The following MRPL48 variants were observed in gnomAD, a reference collection of about 807,000 sequenced individuals.
MRPL48 encodes the protein mitochondrial ribosomal protein L48, also known as large ribosomal subunit protein mL48.
In MRPL48, 16 loss-of-function variants were observed where a neutral mutation model predicts 32.9. The ratio of observed to expected loss-of-function variants is 0.49; its 90% CI spans 0.33 to 0.74. MRPL48 has a LOEUF of 0.74. Ranked by LOEUF, MRPL48 falls within the 30% of genes least tolerant of loss-of-function variation. The probability of loss-of-function intolerance (pLI) is 0.02; values close to 1 mark genes in which losing one functional copy is unlikely to be tolerated. For missense variants in MRPL48, 206 were observed against 245.3 expected (o/e 0.84, Z 1.07); for synonymous variants, 94 against 89.2 (o/e 1.05, Z -0.31).
chr11:73,826,302 G>GA (rs1215975468), intron 4 of MRPL48, among the ~76,000 whole-genome samples: 1 of 152,002 alleles, frequency 6.6e-6, no homozygotes, highest in African/African-American at 2.4e-5. Flanking sequence ...TTACAGGCAT[G>GA]AGCCACCATG....
intron 1 of MRPL48, among the ~76,000 whole-genome samples, chr11:73,788,472 CTTTT>C (rs11352308): frequency 2.7e-5 from 3 of 109,596 alleles, no homozygotes; most frequent in African/African-American, 7.3e-5. Flanking sequence ...TCTTTTCTTT[CTTTT>C]TTTTTTTTTT....
intron 4 of MRPL48, among the ~76,000 whole-genome samples, chr11:73,834,744 A>C (rs140330268): frequency 0.038 from 5,746 of 151,400 alleles, 151 homozygotes; most frequent in Middle Eastern, 0.09. Context: ...CATGTTGGCC[A>C]GGTTGGTCTT....
intron 1 of MRPL48, among the ~76,000 whole-genome samples, chr11:73,794,049 T>C (rs1947199962): frequency 6.6e-6 from 1 of 151,602 alleles, no homozygotes; most frequent in Non-Finnish European, 1.5e-5. Flanking sequence ...TAGCCAGGTG[T>C]GGTGGCATGT....
At chr11:73,805,457 C>T (rs969812863) in intron 2 of MRPL48, among the ~76,000 whole-genome samples, 7 of 151,554 alleles carry the variant, frequency 4.6e-5, no homozygotes, top group African/African-American at 1.7e-4. Context: ...CCACCATGCC[C>T]AGCTAATTTT....
At chr11:73,806,806 G>T (rs751259783) in intron 2 of MRPL48, among the ~76,000 whole-genome samples, 1 of 151,944 alleles carries the variant, frequency 6.6e-6, no homozygotes, top group Admixed American at 6.6e-5. Context: ...TTGGAATTAG[G>T]ATTCAAATCC....
chr11:73,847,588 C>A (rs1355801456), intron 5 of MRPL48, among the ~76,000 whole-genome samples: 3 of 152,100 alleles, frequency 2.0e-5, no homozygotes, highest in Non-Finnish European at 4.4e-5. Flanking sequence ...CTACAGGCGC[C>A]TGCCACCATG....
chr11:73,791,379 C>T (rs1590923761), intron 1 of MRPL48, among the ~76,000 whole-genome samples: 1 of 152,028 alleles, frequency 6.6e-6, no homozygotes, highest in African/African-American at 2.4e-5. Context: ...CTGCTTTCCT[C>T]ATTAGAAGTT....
Position 73,844,819 on chromosome 11 carries a change from A to G in MRPL48, c.214A>G (p.Lys72Glu). 6.2e-7 allele frequency: 1 copy of G among 1,612,808 alleles called. No homozygotes were observed. Among genetic ancestry groups the G allele is most frequent in the Non-Finnish European group, 8.5e-7 (1 of 1,179,652 alleles). Residue 72 changes from lysine (K) to glutamate (E), a missense_variant, in exon 5 of 8, where the codon AAG (lysine) becomes GAG (glutamate). Lys to Glu is a moderately conservative substitution (Grantham distance 56). Coordinates refer to ENST00000310614, the MANE Select transcript of MRPL48 (RefSeq NM_016055.6). ...GTTTTCTCTTCAGCCCAAGAAGAAGAAGGGAAAAGTGGAAGTGAGAGCCAT... is the reference window on the plus strand; with the variant it reads ...GTTTTCTCTTCAGCCCAAGAAGAAGGAGGGAAAAGTGGAAGTGAGAGCCAT... ...LIKAEEPKKK[K>E]GKVEVRAINL...
chr11:73,807,890 C>T (rs1231736235), intron 2 of MRPL48, among the ~76,000 whole-genome samples: 2 of 152,174 alleles, frequency 1.3e-5, no homozygotes, highest in African/African-American at 2.4e-5. Flanking sequence ...CTGCCTGCCT[C>T]GGCCTCCCAA....
At position 73,814,129 on chromosome 11, in the gene MRPL48, A is replaced by C. The variant is rs558247762; in HGVS notation, c.112+5779A>C. ...TGGTCCAGACCAGGTGTAGTGGGTT[A>C]CGCTTATAACCTCAGCACTTTGGGA... On this transcript the variant is annotated intron_variant, in intron 3 of 7. Coordinates refer to ENST00000310614, the MANE Select transcript of MRPL48 (RefSeq NM_016055.6). Among the ~76,000 whole-genome samples the C allele has an allele frequency of 4.0e-5, 6 of 151,710 alleles. No homozygotes were observed. In the East Asian group the frequency reaches 9.7e-4, roughly 24 times the overall value.
At chr11:73,826,768 T>C (rs1019158511) in intron 4 of MRPL48, among the ~76,000 whole-genome samples, 1 of 148,884 alleles carries the variant, frequency 6.7e-6, no homozygotes, top group African/African-American at 2.5e-5. Flanking sequence ...ATTCTTACTG[T>C]ATTTTCTTTT....
Position 73,864,587 on chromosome 11 carries a change from A to T in MRPL48, c.*217A>T. 1.7e-6 allele frequency: 1 copy of T among 578,648 alleles called. No individual in the cohort carries two copies. Among genetic ancestry groups the T allele is most frequent in the South Asian group, 2.1e-5 (1 of 47,988 alleles). The allele number at this position is 578,648 out of a possible 1,614,324, so 35.8% of individuals were successfully genotyped here. On this transcript the variant is annotated 3_prime_UTR_variant, in exon 8 of 8. Transcript: ENST00000310614. The stretch of plus-strand genomic sequence containing the variant: ...TGCTTGTTATCTTCCATCTAATAAA[A>T]ATCTGCTGCAGATGTGTATATGTAT...
chr11:73,835,994 C>T (rs530590792), intron 4 of MRPL48, among the ~76,000 whole-genome samples: 58 of 151,920 alleles, frequency 3.8e-4, no homozygotes, highest in East Asian at 1.9e-3. Flanking sequence ...AGTGCAGTGG[C>T]GCGATCTTGG....
At chr11:73,824,665 A>G (rs962139590) in intron 3 of MRPL48, among the ~76,000 whole-genome samples, 1 of 151,954 alleles carries the variant, frequency 6.6e-6, no homozygotes, top group Non-Finnish European at 1.5e-5. Flanking sequence ...CTCTTTCTCT[A>G]TATAGTCACA....
At chr11:73,796,930 G>A (rs961157036) in intron 1 of MRPL48, among the ~76,000 whole-genome samples, 1 of 152,186 alleles carries the variant, frequency 6.6e-6, no homozygotes, top group African/African-American at 2.4e-5. Context: ...AGCCGAGCGT[G>A]GTGGTGGGCG....
intron 4 of MRPL48, among the ~76,000 whole-genome samples, chr11:73,839,099 T>G (rs1948149075): frequency 6.6e-6 from 1 of 152,248 alleles, no homozygotes; most frequent in Non-Finnish European, 1.5e-5. Context: ...CCATTTTACA[T>G]ATAGTATTTT....
At position 73,853,760 on chromosome 11, in the gene MRPL48, G is replaced by T. The variant is rs1046189285; in HGVS notation, c.372-6147G>T. ...GGCTAGAGTGCAGTGGCGCGATCTC[G>T]GCTCACTGCAAGCTCCGCCTCCCGG... On this transcript the variant is annotated intron_variant, in intron 5 of 7. Coordinates refer to ENST00000310614, the MANE Select transcript of MRPL48 (RefSeq NM_016055.6). Among the ~76,000 whole-genome samples the T allele has an allele frequency of 7.6e-5, 10 of 132,058 alleles. No individual in the cohort carries two copies. In the East Asian group the frequency reaches 2.2e-3, roughly 30 times the overall value. The allele number at this position is 132,058 out of a possible 152,430, so 86.6% of individuals were successfully genotyped here. A position where few individuals can be genotyped will look rare whatever the true frequency, so the allele number is the denominator to read the frequency against.
At chr11:73,793,191 A>G (rs555581156) in intron 1 of MRPL48, among the ~76,000 whole-genome samples, 36 of 152,146 alleles carry the variant, frequency 2.4e-4, no homozygotes, top group African/African-American at 6.3e-4. Context: ...TCAGCCTTCT[A>G]AGTAGCTGGG....
Position 73,787,944 on chromosome 11 carries a change from A to C in MRPL48, c.-28A>C. The C allele has an allele frequency of 6.2e-7, 1 of 1,611,032 alleles. No homozygotes were observed. The highest frequency in any genetic ancestry group is 8.5e-7 in the Non-Finnish European group (1 of 1,178,226). ...CTGCAGGGTCCGGTCTTCGGTTTGC[A>C]CAGCTAGAGGCCGCGCAGCAGCAAA... On this transcript the variant is annotated 5_prime_UTR_variant, in exon 1 of 8. Transcript: ENST00000310614.
Sources: gnomAD v4.1 joint callset for allele counts (sites outside exome capture counted in the v4.1 genomes callset) on GRCh38, gnomAD v4.1.1 for gene constraint, MANE v1.5 for transcripts, NCBI Gene and HGNC (gene_info 2026-07-23, HGNC 2026-07-21) for gene names.